SLC24A3: variants seen among roughly 807,000 people sequenced by gnomAD.
The protein encoded by SLC24A3 is solute carrier family 24 member 3.
In SLC24A3, 28 loss-of-function variants were observed where a neutral mutation model predicts 75.8. The ratio of observed to expected loss-of-function variants is 0.37; its 90% CI spans 0.27 to 0.51. The LOEUF (loss-of-function observed/expected upper bound fraction) is 0.51, where lower values mean the gene tolerates loss of function less well. Among genes scored for constraint, SLC24A3 ranks in the 20% least tolerant of loss-of-function variants. The pLI is 0.94. For missense variants in SLC24A3, 663 were observed against 847.8 expected (o/e 0.78, Z 2.71); for synonymous variants, 372 against 334.1 (o/e 1.11, Z -1.24).
At chr20:19,484,756 G>A (rs764872699) in intron 2 of SLC24A3, among the ~76,000 whole-genome samples, 11 of 152,160 alleles carry the variant, frequency 7.2e-5, no homozygotes, top group Non-Finnish European at 1.5e-4. Flanking sequence ...GTTCTGCCTA[G>A]TGGCTGCGCA....
In SLC24A3 at chr20:19,281,051, G is replaced by T. The variant is rs758946833; in HGVS notation, c.235G>T (p.Ala79Ser). 1.9e-6 allele frequency: 3 copies of T among 1,614,186 alleles called. No individual in the cohort carries two copies. The highest frequency in any genetic ancestry group is 8.5e-7 in the Non-Finnish European group (1 of 1,180,020). ...GAACGACACTCTGACTTCCGAAGAT[G>T]CCGGACTCCGGAACAGCAAGAACTG... ...QVNDTLTSED[A>S]GLRNSKNCTE... Residue 79 changes from alanine to serine, a missense_variant, in exon 2 of 17, where the codon GCC becomes TCC. By Grantham distance (99) the Ala-to-Ser change is moderately conservative. This residue lies in a region of SLC24A3 where 153 missense variants were observed against 144.2 expected (regional missense o/e 1.06). Transcript: ENST00000328041.
chr20:19,567,379 T>C (rs2030975857), intron 3 of SLC24A3, among the ~76,000 whole-genome samples: 1 of 152,160 alleles, frequency 6.6e-6, no homozygotes, highest in Non-Finnish European at 1.5e-5. Flanking sequence ...TGTAGCAACA[T>C]AGATGGAGCT....
At chr20:19,237,005 G>A (rs1179869527) in intron 1 of SLC24A3, among the ~76,000 whole-genome samples, 1 of 152,182 alleles carries the variant, frequency 6.6e-6, no homozygotes, top group Non-Finnish European at 1.5e-5. Flanking sequence ...ACACTTCCAA[G>A]CCTTGCAACG....
intron 6 of SLC24A3, among the ~76,000 whole-genome samples, chr20:19,641,998 C>A (rs2032080261): frequency 6.6e-6 from 1 of 152,318 alleles, no homozygotes; most frequent in African/African-American, 2.4e-5. Flanking sequence ...AAAACGTAGT[C>A]CTATCACTTT....
chr20:19,270,247 C>A (rs1385891278), intron 1 of SLC24A3, among the ~76,000 whole-genome samples: 1 of 152,030 alleles, frequency 6.6e-6, no homozygotes, highest in Non-Finnish European at 1.5e-5. Flanking sequence ...GTGCTTGGAC[C>A]AGCAGCACTG....
intron 8 of SLC24A3, among the ~76,000 whole-genome samples, chr20:19,666,157 A>G (rs1259419635): frequency 6.6e-6 from 1 of 152,122 alleles, no homozygotes; most frequent in Non-Finnish European, 1.5e-5. Context: ...TCTGGACATC[A>G]TGGCTTAGCT....
chr20:19,601,651 G>C (rs1244140884), intron 6 of SLC24A3, among the ~76,000 whole-genome samples: 1 of 152,098 alleles, frequency 6.6e-6, no homozygotes, highest in East Asian at 1.9e-4. Context: ...ATTCATGCAA[G>C]GGCTCCTGAG....
chr20:19,339,112 G>GCTCCCAACAAT (rs1214667244), intron 2 of SLC24A3, among the ~76,000 whole-genome samples: 2 of 151,468 alleles, frequency 1.3e-5, no homozygotes, highest in Admixed American at 6.6e-5. Flanking sequence ...TGGACACATA[G>GCTCCCAACAAT]CCTGACTCTG....
intron 12 of SLC24A3, among the ~76,000 whole-genome samples, chr20:19,690,005 T>C (rs2032726921): frequency 9.5e-6 from 1 of 105,778 alleles, no homozygotes; most frequent in African/African-American, 3.7e-5. Context: ...CACTCCAGCC[T>C]GGACAAAAGA....
chr20:19,497,634 GA>G (rs1349054959), intron 2 of SLC24A3, among the ~76,000 whole-genome samples: 2 of 152,176 alleles, frequency 1.3e-5, no homozygotes, highest in African/African-American at 2.4e-5. Flanking sequence ...TGTTGATCCT[GA>G]AGAGGCTGCT....
intron 1 of SLC24A3, among the ~76,000 whole-genome samples, chr20:19,246,463 A>C (rs143716527): frequency 1.1e-3 from 163 of 152,276 alleles, no homozygotes; most frequent in African/African-American, 3.8e-3. Context: ...AAAGGAGGAT[A>C]TAGGTACAGC....
At chr20:19,329,223 A>G (rs1377775577) in intron 2 of SLC24A3, among the ~76,000 whole-genome samples, 1 of 152,178 alleles carries the variant, frequency 6.6e-6, no homozygotes, top group Non-Finnish European at 1.5e-5. Context: ...GAAAATGGGA[A>G]TAAGATTTTT....
At chr20:19,546,608 C>CT (rs993186823) in intron 3 of SLC24A3, among the ~76,000 whole-genome samples, 12 of 152,170 alleles carry the variant, frequency 7.9e-5, no homozygotes, top group Non-Finnish European at 1.5e-4. Flanking sequence ...ATGCTGCCTC[C>CT]TTTTTTTGAG....
At chr20:19,631,300 T>C (rs1406256620) in intron 6 of SLC24A3, among the ~76,000 whole-genome samples, 6 of 152,192 alleles carry the variant, frequency 3.9e-5, no homozygotes, top group Admixed American at 6.5e-5. Context: ...TAAGCTGAGA[T>C]CACACCGCTG....
At chr20:19,327,084 T>G (rs1030504028) in intron 2 of SLC24A3, among the ~76,000 whole-genome samples, 1 of 152,226 alleles carries the variant, frequency 6.6e-6, no homozygotes, top group Non-Finnish European at 1.5e-5. Context: ...GTACTAATAT[T>G]TAGCTACCAA....
At chr20:19,454,998 C>T (rs1987554469) in intron 2 of SLC24A3, among the ~76,000 whole-genome samples, 1 of 152,182 alleles carries the variant, frequency 6.6e-6, no homozygotes. Flanking sequence ...CCGCTCCCTT[C>T]CCTCCCTGTC....
At chr20:19,257,377 T>C (rs1982846072) in intron 1 of SLC24A3, among the ~76,000 whole-genome samples, 2 of 152,220 alleles carry the variant, frequency 1.3e-5, no homozygotes, top group Admixed American at 1.3e-4. Context: ...CTGCTGGGCA[T>C]CAGGCCCAGG....
intron 2 of SLC24A3, among the ~76,000 whole-genome samples, chr20:19,492,792 T>C (rs901428531): frequency 6.6e-6 from 1 of 152,228 alleles, no homozygotes; most frequent in Non-Finnish European, 1.5e-5. Flanking sequence ...ATGATCATTA[T>C]ATAACTATTA....
At chr20:19,387,581 T>C (rs1271291857) in intron 2 of SLC24A3, among the ~76,000 whole-genome samples, 1 of 152,226 alleles carries the variant, frequency 6.6e-6, no homozygotes, top group Admixed American at 6.5e-5. Context: ...CTTTGAGCAA[T>C]TGGTTGTTCA....
Sources: gnomAD v4.1 joint callset for allele counts (sites outside exome capture counted in the v4.1 genomes callset) on GRCh38, gnomAD v4.1.1 for gene constraint, gnomAD v4.1.1 regional missense constraint, MANE v1.5 for transcripts, NCBI Gene and HGNC (gene_info 2026-07-23, HGNC 2026-07-21) for gene names.